Variants in GABRR2 observed in about 807,000 individuals in gnomAD.
The protein encoded by GABRR2 is gamma-aminobutyric acid type A receptor subunit rho2.
GABRR2 carries 36 observed loss-of-function variants against 47.0 expected under a neutral mutation model. The observed-to-expected ratio is 0.77, with a 90% confidence interval of 0.59 to 1.01. The LOEUF (loss-of-function observed/expected upper bound fraction) is 1.01. Among genes scored for constraint, GABRR2 ranks in the 50% least tolerant of loss-of-function variants. GABRR2 has a pLI of 0.00. For synonymous variants in GABRR2, 204 were observed against 227.5 expected, an observed-to-expected ratio of 0.90 and a Z score of 0.93; for missense variants, 587 against 594.6, an observed-to-expected ratio of 0.99 and a Z score of 0.13.
intron 8 of GABRR2, among the ~76,000 whole-genome samples, chr6:89,263,721 C>T (rs1773808953): frequency 6.6e-6 from 1 of 152,102 alleles, no homozygotes; most frequent in African/African-American, 2.4e-5. Flanking sequence ...TGGGGTTTCA[C>T]CATGTTGGCC....
intron 6 of GABRR2, among the ~76,000 whole-genome samples, chr6:89,266,070 T>G (rs1035867898): frequency 1.3e-5 from 2 of 152,124 alleles, no homozygotes; most frequent in East Asian, 3.9e-4. Context: ...GGTTTTTGTT[T>G]GTTTGTTTTT....
intron 2 of GABRR2, among the ~76,000 whole-genome samples, chr6:89,292,074 C>T (rs1774450983): frequency 6.6e-6 from 1 of 152,056 alleles, no homozygotes; most frequent in Admixed American, 6.6e-5. Flanking sequence ...CAAGGACTGC[C>T]CAACACATAG....
chr6:89,257,880 A>G lies in GABRR2; in HGVS notation c.1188T>C (p.His396=), dbSNP rs768128701. The change falls in exon 9 of 9, where the codon CAT becomes CAC. Residue 396 remains histidine, a synonymous_variant. Coordinates refer to ENST00000402938, the MANE Select transcript of GABRR2 (RefSeq NM_002043.5). The stretch of plus-strand genomic sequence containing the variant: ...CTTGCCTTTCTTCTTCTGTCAGGAT[A>G]TGGCTTCTGGGGTACCCAGCCAGGC... ...ANSLAGYPRS[H]ILTEEERQDK... 5.6e-6 allele frequency: 9 copies of G among 1,613,994 alleles called. No homozygotes were observed. Among genetic ancestry groups the G allele is most frequent in the Non-Finnish European group, 7.6e-6 (9 of 1,179,884 alleles).
At position 89,313,651 on chromosome 6, in the gene GABRR2, T is replaced by G. The variant is rs139424843; in HGVS notation, c.113+1402A>C. The stretch of plus-strand genomic sequence containing the variant: ...GTAATTATAGGCTGGGTGTGGTGGC[T>G]TCTGCCTGTAATCCTAGCACTTTGG... On this transcript the variant is annotated intron_variant, in intron 1 of 8. Coordinates refer to ENST00000402938, the MANE Select transcript of GABRR2 (RefSeq NM_002043.5). Among the ~76,000 whole-genome samples the G allele has an allele frequency of 3.3e-3, 510 of 152,302 alleles. 4 individuals are homozygous for G. Among genetic ancestry groups the G allele is most frequent in the African/African-American group, 0.011 (437 of 41,554 alleles).
intron 2 of GABRR2, among the ~76,000 whole-genome samples, chr6:89,277,176 A>G (rs2150816): frequency 0.26 from 40,063 of 152,012 alleles, 5,377 homozygotes; most frequent in East Asian, 0.4. Flanking sequence ...TCGTGATAGT[A>G]AGTGAGTTCT....
chr6:89,292,770 CGT>C lies in GABRR2; in HGVS notation c.220+6987_220+6988del, dbSNP rs1562379604. Among the ~76,000 whole-genome samples the C allele has an allele frequency of 1.7e-4, 7 of 41,244 alleles. 1 individual carries two copies. The South Asian group carries it at 2.6e-3, about 15-fold the overall frequency. The allele number at this position is 41,244 out of a possible 152,430, so 27.1% of individuals were successfully genotyped here. A position where few individuals can be genotyped will look rare whatever the true frequency, so the allele number is the denominator to read the frequency against. The stretch of plus-strand genomic sequence containing the variant: ...CGTATATATCGTATATACGATATAT[CGT>C]ATATATCGTATATACGATATATCGT... On this transcript the variant is annotated intron_variant, in intron 2 of 8. Transcript: ENST00000402938.
At chr6:89,272,746 G>A (rs973573792) in intron 2 of GABRR2, among the ~76,000 whole-genome samples, 6 of 152,184 alleles carry the variant, frequency 3.9e-5, no homozygotes, top group Non-Finnish European at 7.3e-5. Context: ...TGGTCTGAGC[G>A]GGGAGAACCT....
At position 89,258,088 on chromosome 6, in the gene GABRR2, T is replaced by C. The variant is rs111635610; in HGVS notation, c.1087-107A>G. The C allele has an allele frequency of 8.5e-6, 9 of 1,060,908 alleles. No homozygotes were observed. In the African/African-American group the frequency reaches 1.3e-4, roughly 15 times the overall value. The allele number at this position is 1,060,908 out of a possible 1,614,324, so 65.7% of individuals were successfully genotyped here. On this transcript the variant is annotated intron_variant, in intron 8 of 8. Transcript: ENST00000402938. ...ATTGCTACTCAGAACCACAGAAAGA[T>C]AGAACTAGAAAGATCTCCAGAGGTT...
chr6:89,301,199 A>T (rs1767425540), intron 1 of GABRR2, among the ~76,000 whole-genome samples: 1 of 152,204 alleles, frequency 6.6e-6, no homozygotes, highest in Non-Finnish European at 1.5e-5. Flanking sequence ...CCTTATTAAA[A>T]ACTCTTAATA....
chr6:89,258,532 T>C (rs1158261992), intron 8 of GABRR2, among the ~76,000 whole-genome samples: 1 of 137,416 alleles, frequency 7.3e-6, no homozygotes, highest in African/African-American at 2.8e-5. Context: ...ATAGTGAGAC[T>C]CCTTCTCTAA....
At chr6:89,266,959 CA>C (rs1343744049) in intron 6 of GABRR2, among the ~76,000 whole-genome samples, 2 of 149,994 alleles carry the variant, frequency 1.3e-5, no homozygotes, top group Non-Finnish European at 2.9e-5. Flanking sequence ...TAGTTAGGAC[CA>C]GGGGCATGTG....
At chr6:89,282,989 G>A (rs1774276225) in intron 2 of GABRR2, among the ~76,000 whole-genome samples, 1 of 152,208 alleles carries the variant, frequency 6.6e-6, no homozygotes, top group Non-Finnish European at 1.5e-5. Flanking sequence ...ACTAGCTGAG[G>A]ACTGACTCCT....
chr6:89,298,814 C>A (rs1774599077), intron 2 of GABRR2, among the ~76,000 whole-genome samples: 3 of 152,110 alleles, frequency 2.0e-5, no homozygotes, highest in Admixed American at 2.0e-4. Context: ...AGGAAGTGGG[C>A]CTTTGGAAGG....
intron 2 of GABRR2, among the ~76,000 whole-genome samples, chr6:89,272,965 G>A (rs993114857): frequency 2.0e-5 from 3 of 152,290 alleles, no homozygotes; most frequent in East Asian, 3.9e-4. Flanking sequence ...ACTCCCCCAC[G>A]GCTCCCCATA....
rs1174272968 is a variant in GABRR2 at position 89,268,051 on chromosome 6, G to A, written c.558C>T (p.Pro186=). The change falls in exon 5 of 9, where the codon CCC becomes CCT. Residue 186 remains proline, a synonymous_variant. Coordinates refer to ENST00000402938, the MANE Select transcript of GABRR2 (RefSeq NM_002043.5). ...AMCNMDFSHF[P]LDSQTCSLEL... The stretch of plus-strand genomic sequence containing the variant: ...CCAAAGAACAGGTCTGGGAGTCCAG[G>A]GGAAAGTGGCTGAAGTCCATGTTGC... The A allele has an allele frequency of 6.2e-7, 1 of 1,612,032 alleles. No homozygotes were observed. Among genetic ancestry groups the A allele is most frequent in the Non-Finnish European group, 8.5e-7 (1 of 1,179,036 alleles).
rs528501316 is a variant in GABRR2, at chr6:89,259,890, T to G, written c.1087-1909A>C. Among the ~76,000 whole-genome samples the G allele has an allele frequency of 1.4e-4, 21 of 151,288 alleles. No homozygotes were observed. In the East Asian group the frequency reaches 2.7e-3, roughly 19 times the overall value. ...GAGGTCATCTCTCTCTCTCTTTTTT[T>G]TTTTTTTTGTTTTTTTTGTTTTTTT... is the stretch of plus-strand genomic sequence containing the variant. On this transcript the variant is annotated intron_variant, in intron 8 of 8. Coordinates refer to ENST00000402938, the MANE Select transcript of GABRR2 (RefSeq NM_002043.5).
intron 1 of GABRR2, among the ~76,000 whole-genome samples, chr6:89,307,722 T>C (rs1171848909): frequency 6.6e-6 from 1 of 152,208 alleles, no homozygotes; most frequent in East Asian, 1.9e-4. Flanking sequence ...TATTGAAGGT[T>C]TTTAGAAATC....
intron 2 of GABRR2, among the ~76,000 whole-genome samples, chr6:89,285,413 T>G (rs1774316079): frequency 6.6e-6 from 1 of 152,168 alleles, no homozygotes; most frequent in African/African-American, 2.4e-5. Flanking sequence ...GAAATAGGCC[T>G]GATTTTTCTC....
intron 1 of GABRR2, among the ~76,000 whole-genome samples, chr6:89,313,835 T>C (rs1043763730): frequency 1.3e-5 from 2 of 152,126 alleles, no homozygotes; most frequent in Non-Finnish European, 2.9e-5. Context: ...GAGAATCGCT[T>C]GAACCCGGGA....
Sources: gnomAD v4.1 joint callset for allele counts (sites outside exome capture counted in the v4.1 genomes callset) on GRCh38, gnomAD v4.1.1 for gene constraint, MANE v1.5 for transcripts, NCBI Gene and HGNC (gene_info 2026-07-23, HGNC 2026-07-21) for gene names.